The following AXDND1 variants were observed in gnomAD, a reference collection of about 807,000 sequenced individuals.
The protein encoded by AXDND1 is axonemal dynein light chain domain-containing protein 1.
Under a neutral mutation model 137.5 loss-of-function variants are expected in AXDND1, and 110 were observed. The ratio of observed to expected loss-of-function variants is 0.80; its 90% CI spans 0.69 to 0.94. The LOEUF (loss-of-function observed/expected upper bound fraction) is 0.94, where lower values mean the gene tolerates loss of function less well. AXDND1 is among the 40% of genes least tolerant of loss of function. AXDND1 has a pLI of 0.00. For synonymous variants in AXDND1, 414 were observed against 399.7 expected, an observed-to-expected ratio of 1.04 and a Z score of -0.43; for missense variants, 1,191 against 1,169.8, an observed-to-expected ratio of 1.02 and a Z score of -0.26.
chr1:179,384,414 G>C (rs1648876854), intron 8 of AXDND1, among the ~76,000 whole-genome samples: 1 of 152,158 alleles, frequency 6.6e-6, no homozygotes, highest in Admixed American at 6.5e-5. Context: ...ATGTTGATAT[G>C]ATAGTATTAT....
At chr1:179,418,715 G>A in intron 12 of AXDND1, among the ~76,000 whole-genome samples, 1 of 149,918 alleles carries the variant, frequency 6.7e-6, no homozygotes, top group Non-Finnish European at 1.5e-5. Context: ...CCGGGCGGGG[G>A]GCTGACCCCC....
intron 22 of AXDND1, among the ~76,000 whole-genome samples, chr1:179,525,883 T>A (rs1389877599): frequency 6.6e-6 from 1 of 151,756 alleles, no homozygotes; most frequent in Non-Finnish European, 1.5e-5. Flanking sequence ...TGGTCTGGAG[T>A]GAACTCCAGT....
chr1:179,477,042 A>G (rs1271782202), intron 17 of AXDND1, among the ~76,000 whole-genome samples: 3 of 150,618 alleles, frequency 2.0e-5, no homozygotes, highest in East Asian at 3.9e-4. Context: ...TTTCCTCTTT[A>G]TTTTTTGGCT....
At chr1:179,504,317 C>G (rs1329277) in intron 20 of AXDND1, among the ~76,000 whole-genome samples, 100,091 of 152,014 alleles carry the variant, frequency 0.66, 34,164 homozygotes, top group South Asian at 0.81. Context: ...GCGAATAGCC[C>G]CTTCTTCTGT....
intron 12 of AXDND1, among the ~76,000 whole-genome samples, chr1:179,413,901 A>G (rs749652636): frequency 1.3e-5 from 2 of 150,472 alleles, no homozygotes; most frequent in East Asian, 1.9e-4. Flanking sequence ...CCTCGTCAAC[A>G]TCTGTTTTTT....
At chr1:179,438,495 C>T (rs1658540892) in intron 15 of AXDND1, among the ~76,000 whole-genome samples, 1 of 152,174 alleles carries the variant, frequency 6.6e-6, no homozygotes, top group African/African-American at 2.4e-5. Flanking sequence ...TGCAAAGCTA[C>T]AGAGGACATC....
chr1:179,514,371 C>T (rs889821862), intron 21 of AXDND1, among the ~76,000 whole-genome samples: 1 of 152,018 alleles, frequency 6.6e-6, no homozygotes, highest in African/African-American at 2.4e-5. Flanking sequence ...CATGTATTTG[C>T]ATGGTCTTGA....
At chr1:179,442,994 G>C (rs956928255) in intron 15 of AXDND1, among the ~76,000 whole-genome samples, 1 of 152,158 alleles carries the variant, frequency 6.6e-6, no homozygotes, top group African/African-American at 2.4e-5. Context: ...AGCGAGAAAG[G>C]GGGGCGGTGA....
chr1:179,383,232 A>T (rs4652368), intron 7 of AXDND1, among the ~76,000 whole-genome samples: 1 of 152,014 alleles, frequency 6.6e-6, no homozygotes, highest in Non-Finnish European at 1.5e-5. Flanking sequence ...TTTTATGAAA[A>T]AGAGAATCAT....
intron 15 of AXDND1, among the ~76,000 whole-genome samples, chr1:179,440,118 C>T (rs1457416571): frequency 6.6e-6 from 1 of 152,176 alleles, no homozygotes; most frequent in Non-Finnish European, 1.5e-5. Flanking sequence ...AGTTGGCTTC[C>T]TATACCCCCT....
chr1:179,453,925 C>G (rs1444274411), intron 16 of AXDND1: 1 of 152,060 alleles, frequency 6.6e-6, no homozygotes, highest in African/African-American at 2.4e-5. Context: ...AATGCCTGTA[C>G]CCCCTTCGTG....
chr1:179,538,611 A>G (rs944704618), intron 25 of AXDND1, among the ~76,000 whole-genome samples: 17 of 152,172 alleles, frequency 1.1e-4, no homozygotes, highest in African/African-American at 4.1e-4. Context: ...TTTACTTCCA[A>G]TTATGTGGTC....
At chr1:179,478,416 G>A (rs909589030) in intron 17 of AXDND1, among the ~76,000 whole-genome samples, 1 of 152,206 alleles carries the variant, frequency 6.6e-6, no homozygotes, top group Non-Finnish European at 1.5e-5. Context: ...TTTGGCTTCT[G>A]TGCATCTGCA....
chr1:179,540,711 C>G (rs1322657596), intron 25 of AXDND1, among the ~76,000 whole-genome samples: 7 of 152,212 alleles, frequency 4.6e-5, no homozygotes, highest in Non-Finnish European at 1.0e-4. Flanking sequence ...GTTATCAGAG[C>G]TCGATCGCCA....
intron 6 of AXDND1, among the ~76,000 whole-genome samples, chr1:179,380,208 C>T (rs1648028204): frequency 6.6e-6 from 1 of 151,204 alleles, no homozygotes; most frequent in South Asian, 2.1e-4. Flanking sequence ...GAGATCGCGC[C>T]ACTGCACTCC....
intron 17 of AXDND1, among the ~76,000 whole-genome samples, chr1:179,477,146 T>G (rs1057110899): frequency 1.3e-5 from 2 of 152,174 alleles, no homozygotes; most frequent in African/African-American, 2.4e-5. Context: ...TTTTAAATTT[T>G]TTTCAGTTAT....
At chr1:179,550,144 T>C (rs1673062193) in intron 25 of AXDND1, among the ~76,000 whole-genome samples, 1 of 152,326 alleles carries the variant, frequency 6.6e-6, no homozygotes, top group South Asian at 2.1e-4. Context: ...AACATTATTT[T>C]AGTAATGTTA....
chr1:179,515,445 T>C (rs1669446536), intron 21 of AXDND1, among the ~76,000 whole-genome samples: 1 of 152,196 alleles, frequency 6.6e-6, no homozygotes, highest in Non-Finnish European at 1.5e-5. Flanking sequence ...AAAACTGCTG[T>C]TAATCTGTTA....
intron 20 of AXDND1, among the ~76,000 whole-genome samples, chr1:179,495,896 C>CT (rs34788199): frequency 0.4 from 46,004 of 116,416 alleles, 8,210 homozygotes; most frequent in South Asian, 0.44. Context: ...GCTGAAAATT[C>CT]TTTTTTTTTT....
Sources: allele counts gnomAD v4.1 joint callset (sites outside exome capture counted in the v4.1 genomes callset), GRCh38; gene constraint gnomAD v4.1.1; transcripts MANE v1.5; gene names NCBI Gene and HGNC (gene_info 2026-07-23, HGNC 2026-07-21).